Variants in EYS observed in about 807,000 individuals in gnomAD.
EYS encodes the protein EGF-like photoreceptor maintenance factor.
Under a neutral mutation model 282.1 loss-of-function variants are expected in EYS, and 250 were observed. The observed-to-expected ratio is 0.89, with a 90% CI of 0.80 to 0.98. The LOEUF (loss-of-function observed/expected upper bound fraction) is 0.98, where lower values mean the gene tolerates loss of function less well. EYS is among the 50% of genes least tolerant of loss of function. The pLI, the probability that EYS is intolerant of heterozygous loss-of-function variation, is 0.00. For missense variants in EYS, 4,016 were observed against 3,709.0 expected, an observed-to-expected ratio of 1.08 and a Z score of -2.15; for synonymous variants, 1,355 against 1,282.9, an observed-to-expected ratio of 1.06 and a Z score of -1.20.
intron 29 of EYS, among the ~76,000 whole-genome samples, chr6:64,313,504 C>G (rs1426945919): frequency 6.6e-6 from 1 of 151,960 alleles, no homozygotes; most frequent in Non-Finnish European, 1.5e-5. Context: ...CAAGGCGGAT[C>G]AACATTCAAA....
rs866421039 is a variant in EYS at position 63,816,788 on chromosome 6, A to G, written c.7229-10416T>C. Among the ~76,000 whole-genome samples the G allele has an allele frequency of 4.5e-4, 69 of 152,216 alleles. 1 individual carries two copies. The highest frequency in any genetic ancestry group is 1.6e-3 in the African/African-American group (68 of 41,456). ...ACGTGCTACGTGGCCAAAATCCAAAACTGAAACAAACGTAATACCCAATAA... is the reference window on the plus strand; with the variant it reads ...ACGTGCTACGTGGCCAAAATCCAAAGCTGAAACAAACGTAATACCCAATAA... On this transcript the variant is annotated intron_variant, in intron 36 of 42. Coordinates refer to ENST00000503581, the MANE Select transcript of EYS (RefSeq NM_001142800.2).
At chr6:65,221,548 A>C (rs1353414398) in intron 12 of EYS, among the ~76,000 whole-genome samples, 1 of 152,224 alleles carries the variant, frequency 6.6e-6, no homozygotes, top group Non-Finnish European at 1.5e-5. Flanking sequence ...CAAAGGATGT[A>C]TGGAAACACC....
intron 29 of EYS, among the ~76,000 whole-genome samples, chr6:64,374,597 T>C: frequency 6.6e-6 from 1 of 152,200 alleles, no homozygotes; most frequent in Non-Finnish European, 1.5e-5. Flanking sequence ...CTCTGCTTCT[T>C]GTGTTCCCCT....
rs114430832 is a variant in EYS, at chr6:64,852,838, C to A, written c.2993-30016G>T. On this transcript the variant is annotated intron_variant, in intron 19 of 42. Coordinates refer to ENST00000503581, the MANE Select transcript of EYS (RefSeq NM_001142800.2). The stretch of plus-strand genomic sequence containing the variant: ...CATGGAACAGAGTCTTCTCTAGACC[C>A]TTCAGAGGGAGCATGGTCCTTCTGA... Among the ~76,000 whole-genome samples the A allele has an allele frequency of 2.0e-3, 297 of 152,242 alleles. 1 individual carries two copies. The highest frequency in any genetic ancestry group is 6.8e-3 in the African/African-American group (283 of 41,546).
chr6:65,106,851 C>T (rs1775054683), intron 12 of EYS, among the ~76,000 whole-genome samples: 1 of 151,942 alleles, frequency 6.6e-6, no homozygotes, highest in South Asian at 2.1e-4. Context: ...TTGCTATGAA[C>T]TGTGAAGGGT....
intron 12 of EYS, among the ~76,000 whole-genome samples, chr6:65,247,906 T>C (rs890476703): frequency 2.0e-5 from 3 of 152,056 alleles, no homozygotes; most frequent in African/African-American, 7.2e-5. Flanking sequence ...TACAATTAAA[T>C]AGTTTGTGAC....
chr6:63,731,381 G>A (rs374357921), intron 41 of EYS, among the ~76,000 whole-genome samples: 3 of 151,952 alleles, frequency 2.0e-5, no homozygotes, highest in Non-Finnish European at 1.5e-5. Flanking sequence ...TTTTAAATTC[G>A]ATTTGCAATT....
intron 5 of EYS, among the ~76,000 whole-genome samples, chr6:65,475,913 A>G (rs1245910847): frequency 6.6e-6 from 1 of 152,104 alleles, no homozygotes; most frequent in East Asian, 1.9e-4. Context: ...TACAGAACCG[A>G]TTACATGATT....
intron 26 of EYS, among the ~76,000 whole-genome samples, chr6:64,492,100 G>T (rs750100545): frequency 2.2e-4 from 33 of 151,104 alleles, no homozygotes; most frequent in Admixed American, 6.0e-4. Flanking sequence ...ATTACTTATT[G>T]TACTATGCAT....
At chr6:64,614,109 A>G (rs1427810935) in intron 24 of EYS, among the ~76,000 whole-genome samples, 1 of 152,156 alleles carries the variant, frequency 6.6e-6, no homozygotes, top group Non-Finnish European at 1.5e-5. Flanking sequence ...CCTTACTGCC[A>G]TATCAACAGG....
In EYS at chr6:65,298,250, A is replaced by T. The variant is rs1768720157; in HGVS notation, c.1767-2131T>A. Among the ~76,000 whole-genome samples, 3 of 152,052 alleles carry T rather than the reference A, an allele frequency of 2.0e-5. No individual in the cohort carries two copies. The South Asian group carries it at 6.2e-4, about 31-fold the overall frequency. ...AAATTAAGAGTAATATGGAAGTACT[A>T]GCTCAGATACTATAACAAACAAAAA... On this transcript the variant is annotated intron_variant, in intron 11 of 42. Transcript: ENST00000503581.
intron 30 of EYS, among the ~76,000 whole-genome samples, chr6:64,269,005 T>A: frequency 6.6e-6 from 1 of 152,110 alleles, no homozygotes; most frequent in Admixed American, 6.6e-5. Flanking sequence ...TAATATATCT[T>A]CCACTGGCTG....
intron 5 of EYS, among the ~76,000 whole-genome samples, chr6:65,453,222 C>A (rs1203595307): frequency 2.0e-5 from 3 of 151,938 alleles, no homozygotes; most frequent in Admixed American, 1.3e-4. Flanking sequence ...TGTTTTCAAG[C>A]AAACTGTACT....
chr6:65,043,270 G>T (rs1223379664), intron 13 of EYS, among the ~76,000 whole-genome samples: 4 of 151,332 alleles, frequency 2.6e-5, no homozygotes, highest in Non-Finnish European at 1.5e-5. Context: ...AGTGTTTAAA[G>T]CAAATTTTAT....
intron 41 of EYS, among the ~76,000 whole-genome samples, chr6:63,753,148 AT>A (rs1769385872): frequency 1.7e-5 from 2 of 115,638 alleles, no homozygotes; most frequent in African/African-American, 6.8e-5. Context: ...GTGTATATAT[AT>A]ATATATATAT....
chr6:64,013,732 T>C (rs144442089), intron 33 of EYS, among the ~76,000 whole-genome samples: 11 of 152,218 alleles, frequency 7.2e-5, no homozygotes, highest in Middle Eastern at 3.4e-3. Context: ...CATTTCTTAG[T>C]AGCATTTAAG....
In EYS at chr6:65,077,952, A is replaced by C. The variant is rs183808327; in HGVS notation, c.2024-20225T>G. ...TTGTTGTATTCATAATTAAACAAGCAATGCTTAATATTCACAGATGAAAAG... is the reference window on the plus strand; with the variant it reads ...TTGTTGTATTCATAATTAAACAAGCCATGCTTAATATTCACAGATGAAAAG... On this transcript the variant is annotated intron_variant, in intron 12 of 42. Coordinates refer to ENST00000503581, the MANE Select transcript of EYS (RefSeq NM_001142800.2). 5.3e-5 allele frequency among the ~76,000 whole-genome samples: 8 copies of C among 152,276 alleles called. No homozygotes were observed. In the East Asian group the frequency reaches 1.2e-3, roughly 22 times the overall value.
intron 12 of EYS, among the ~76,000 whole-genome samples, chr6:65,246,110 G>T (rs1451631907): frequency 2.6e-5 from 4 of 151,972 alleles, no homozygotes; most frequent in African/African-American, 7.2e-5. Context: ...ATCTTATTTT[G>T]GTTGTTCCTA....
chr6:63,954,139 G>T (rs1217201102), intron 35 of EYS, among the ~76,000 whole-genome samples: 1 of 152,088 alleles, frequency 6.6e-6, no homozygotes, highest in African/African-American at 2.4e-5. Flanking sequence ...TACGACAACT[G>T]ACCCCTGTGA....
Sources: allele counts gnomAD v4.1 joint callset (sites outside exome capture counted in the v4.1 genomes callset), GRCh38; gene constraint gnomAD v4.1.1; transcripts MANE v1.5; gene names NCBI Gene and HGNC (gene_info 2026-07-23, HGNC 2026-07-21).